The following FAM53A variants were observed in gnomAD, a reference collection of about 807,000 sequenced individuals.
FAM53A encodes family with sequence similarity 53 member A, also known as protein FAM53A.
Under a neutral mutation model 26.6 loss-of-function variants are expected in FAM53A, and 28 were observed. The observed-to-expected ratio is 1.05, with a 90% CI of 0.78 to 1.45. The LOEUF is 1.45. FAM53A is among the 40% of genes most tolerant of loss of function. The pLI, the probability that FAM53A is intolerant of heterozygous loss-of-function variation, is 0.00. For synonymous variants in FAM53A, 290 were observed against 253.1 expected, an observed-to-expected ratio of 1.15 and a Z score of -1.38; for missense variants, 650 against 575.8, an observed-to-expected ratio of 1.13 and a Z score of -1.32.
At chr4:1,621,038 G>A (rs1406568592) in intron 1 of FAM53A, among the ~76,000 whole-genome samples, 5 of 150,428 alleles carry the variant, frequency 3.3e-5, no homozygotes, top group Non-Finnish European at 5.9e-5. Context: ...TCAGTTTCAG[G>A]AAGCAAGAAA....
chr4:1,684,043 G>C (rs909253259), intron 1 of FAM53A, 190 bp downstream of exon 1: 3 of 152,182 alleles, frequency 2.0e-5, no homozygotes, highest in African/African-American at 7.2e-5. Flanking sequence ...AAGTCGCCTC[G>C]ACGGGCGGCG....
rs868680327 is a variant in FAM53A at position 1,655,693 on chromosome 4, C to G, written c.167G>C (p.Gly56Ala). Reference protein sequence around the residue: ...DQSPWKVFSGGPPVRSQAATG... With the variant: ...DQSPWKVFSGAPPVRSQAATG... ...GGCTGCCTGGCTTCTGACGGGCGGTCCTCCACTGAAGACCTTCCAGGGACT... is the reference window on the plus strand; with the variant it reads ...GGCTGCCTGGCTTCTGACGGGCGGTGCTCCACTGAAGACCTTCCAGGGACT... The change falls in exon 4 of 5, where the codon GGA becomes GCA. Residue 56 changes from glycine to alanine, a missense_variant. Transcript: ENST00000308132. The G allele has an allele frequency of 6.3e-7, 1 of 1,591,122 alleles. No individual in the cohort carries two copies. Among genetic ancestry groups the G allele is most frequent in the East Asian group, 2.3e-5 (1 of 44,038 alleles).
chr4:1,574,786 GC>G, the FAM53A span, among the ~76,000 whole-genome samples: 1 of 152,240 alleles, frequency 6.6e-6, no homozygotes, highest in Non-Finnish European at 1.5e-5. Flanking sequence ...CAGGTGGTCA[GC>G]GGGCGGCAGG....
At chr4:1,672,759 CTTTTTTTTTTTTTTTTTTT>C (rs35045856) in intron 1 of FAM53A, among the ~76,000 whole-genome samples, 1 of 64,806 alleles carries the variant, frequency 1.5e-5, no homozygotes, top group Admixed American at 2.0e-4. Flanking sequence ...CCTGAATTTC[CTTTTTTTTTTTTTTTTTTT>C]TTTTTTTTTG....
At chr4:1,682,895 C>T (rs893829109) in intron 1 of FAM53A, among the ~76,000 whole-genome samples, 4 of 152,344 alleles carry the variant, frequency 2.6e-5, no homozygotes, top group East Asian at 1.9e-4. Flanking sequence ...AAGGACGCAT[C>T]CAAAGGGGCG....
At chr4:1,608,731 T>C in the FAM53A span, among the ~76,000 whole-genome samples, 2 of 152,152 alleles carry the variant, frequency 1.3e-5, no homozygotes, top group Admixed American at 1.3e-4. Context: ...TCACTCCCCG[T>C]CCTTCACCCA....
At chr4:1,652,734 C>A (rs1712971461) in intron 4 of FAM53A, among the ~76,000 whole-genome samples, 1 of 145,858 alleles carries the variant, frequency 6.9e-6, no homozygotes, top group South Asian at 2.2e-4. Context: ...TACCAGAGAC[C>A]ACACACTGCA....
chr4:1,601,986 G>C, the FAM53A span, among the ~76,000 whole-genome samples: 1 of 149,176 alleles, frequency 6.7e-6, no homozygotes, highest in Non-Finnish European at 1.5e-5. Flanking sequence ...AGGTGGGACA[G>C]TGGAGGTGGG....
downstream of FAM53A, among the ~76,000 whole-genome samples, chr4:1,638,451 A>C (rs2108792589): frequency 6.6e-6 from 1 of 152,204 alleles, no homozygotes; most frequent in Admixed American, 6.5e-5. Flanking sequence ...CCCTACATCA[A>C]GGGCACCGAG....
At position 1,623,025 on chromosome 4, in the gene FAM53A, C is replaced by T. The variant is rs1048931023; in HGVS notation, c.432-4914G>A. Among the ~76,000 whole-genome samples, 33 of 152,348 alleles carry T rather than the reference C, an allele frequency of 2.2e-4. 1 individual carries two copies. Among genetic ancestry groups the T allele is most frequent in the Non-Finnish European group, 4.6e-4 (31 of 68,026 alleles). The stretch of plus-strand genomic sequence containing the variant: ...GCCCATGGGGAAACGAAGGCACAGG[C>T]GCTGAAGCAGCCCCCACGGTCACAG... On this transcript the variant is annotated intron_variant, in intron 1 of 1. Coordinates refer to the FAM53A transcript ENST00000489029.
chr4:1,595,361 G>A, the FAM53A span, among the ~76,000 whole-genome samples: 7 of 152,300 alleles, frequency 4.6e-5, no homozygotes, highest in Middle Eastern at 3.4e-3. Context: ...ACATCCTGGC[G>A]CCCTGCTGAC....
chr4:1,600,575 G>A, the FAM53A span, among the ~76,000 whole-genome samples: 9 of 152,206 alleles, frequency 5.9e-5, no homozygotes, highest in Admixed American at 6.5e-5. Flanking sequence ...GAGCAAGAAA[G>A]GCGCCATTGC....
At chr4:1,590,035 A>AT in the FAM53A span, among the ~76,000 whole-genome samples, 41 of 151,990 alleles carry the variant, frequency 2.7e-4, no homozygotes, top group East Asian at 3.1e-3. Flanking sequence ...CAAAATCATA[A>AT]TTTTTTTTCT....
At chr4:1,592,852 C>A in the FAM53A span, among the ~76,000 whole-genome samples, 1 of 152,190 alleles carries the variant, frequency 6.6e-6, no homozygotes, top group African/African-American at 2.4e-5. Flanking sequence ...CCCGCACACG[C>A]CTGGAGCCCC....
the FAM53A span, among the ~76,000 whole-genome samples, chr4:1,581,424 T>C: frequency 6.6e-6 from 1 of 152,224 alleles, no homozygotes; most frequent in Non-Finnish European, 1.5e-5. Context: ...AAAACCAATT[T>C]TGAGTTTCCA....
chr4:1,603,072 G>A, the FAM53A span, among the ~76,000 whole-genome samples: 13,205 of 152,200 alleles, frequency 0.087, 1,705 homozygotes, highest in African/African-American at 0.28. Flanking sequence ...GCGTCCTCTC[G>A]CCACCTTTCC....
intron 4 of FAM53A, among the ~76,000 whole-genome samples, chr4:1,652,012 T>C (rs1487107721): frequency 2.0e-3 from 189 of 95,608 alleles, no homozygotes; most frequent in African/African-American, 7.4e-3. Flanking sequence ...ACCACACACG[T>C]CACACACACA....
chr4:1,675,287 G>A (rs538982360), intron 1 of FAM53A, among the ~76,000 whole-genome samples: 14 of 152,130 alleles, frequency 9.2e-5, no homozygotes, highest in Middle Eastern at 3.4e-3. Context: ...GAACAAAGAG[G>A]ACATACCACC....
intron 4 of FAM53A, among the ~76,000 whole-genome samples, chr4:1,652,465 C>T (rs548565873): frequency 4.1e-5 from 6 of 145,460 alleles, no homozygotes; most frequent in South Asian, 4.5e-4. Context: ...CCCACACACA[C>T]GACACACATC....
Sources: allele counts gnomAD v4.1 joint callset (sites outside exome capture counted in the v4.1 genomes callset), GRCh38; gene constraint gnomAD v4.1.1; transcripts MANE v1.5; gene names NCBI Gene and HGNC (gene_info 2026-07-23, HGNC 2026-07-21).